Variants in CASK observed in about 807,000 individuals in gnomAD.
CASK encodes the protein peripheral plasma membrane protein CASK.
CASK carries 4 observed loss-of-function variants against 82.9 expected under a neutral mutation model. The ratio of observed to expected loss-of-function variants is 0.05; its 90% confidence interval spans 0.02 to 0.11. The LOEUF (loss-of-function observed/expected upper bound fraction) is 0.11. Ranked by LOEUF, CASK falls within the 10% of genes least tolerant of loss-of-function variation. CASK has a pLI of 1.00. For synonymous variants in CASK, 259 were observed against 253.5 expected (o/e 1.02, Z -0.20); for missense variants, 358 against 720.9 (o/e 0.50, Z 5.76).
chrX:41,626,512 TA>T, intron 10 of CASK, 91 bp downstream of exon 10: 1 of 588,148 alleles, frequency 1.7e-6, no homozygotes, highest in Non-Finnish European at 2.9e-6. Context: ...AGGATTTAAC[TA>T]AATGCACAGG....
intron 19 of CASK, 68 bp from the exon 20 acceptor site, chrX:41,555,703 TG>T: frequency 1.2e-6 from 1 of 809,122 alleles, no homozygotes. Context: ...GTAATTTGTG[TG>T]TTCTGTTACA....
chrX:41,919,497 A>C (rs1336280374), intron 1 of CASK: 1 of 112,537 alleles, frequency 8.9e-6, no homozygotes, highest in African/African-American at 3.2e-5. Flanking sequence ...AATTGTCTTA[A>C]ATTTCCTTCA....
chrX:41,707,281 T>C (rs1007989428), intron 5 of CASK, among the ~76,000 whole-genome samples: 24 of 111,941 alleles, frequency 2.1e-4, no homozygotes, highest in Admixed American at 6.6e-4. Context: ...GACCATCACA[T>C]TGTAAAGAAG....
chrX:41,891,804 G>A (rs2072175198), intron 1 of CASK, among the ~76,000 whole-genome samples: 1 of 112,193 alleles, frequency 8.9e-6, no homozygotes, highest in African/African-American at 3.2e-5. Context: ...AGGCAACTAA[G>A]AGCAAAATGG....
intron 8 of CASK, among the ~76,000 whole-genome samples, chrX:41,648,189 C>T (rs1048180035): frequency 4.5e-5 from 5 of 111,159 alleles, no homozygotes; most frequent in Admixed American, 9.6e-5. Context: ...CGAGGCGTAC[C>T]TGTCTCTTAT....
intron 3 of CASK, among the ~76,000 whole-genome samples, chrX:41,770,295 T>TCTAC (rs199881249): frequency 1.4e-3 from 132 of 93,128 alleles, no homozygotes; most frequent in East Asian, 6.6e-3. Context: ...TATCTATCTA[T>TCTAC]CTACCTACCT....
At chrX:41,569,875 T>C (rs1053068955) in intron 15 of CASK, 129 bp from the exon 16 acceptor site, 1 of 474,507 alleles carries the variant, frequency 2.1e-6, no homozygotes, top group Non-Finnish European at 3.6e-6. Context: ...ATATGGAAAA[T>C]GGAGAAGACC....
intron 2 of CASK, among the ~76,000 whole-genome samples, chrX:41,829,698 TA>T (rs2070748206): frequency 1.2e-3 from 1 of 854 alleles, no homozygotes; most frequent in African/African-American, 0.012. Context: ...GGTCACAAGA[TA>T]TATATATATA....
At chrX:41,647,699 GT>G (rs985088661) in intron 8 of CASK, among the ~76,000 whole-genome samples, 1 of 112,044 alleles carries the variant, frequency 8.9e-6, no homozygotes, top group African/African-American at 3.2e-5. Flanking sequence ...ATTGTGAAGA[GT>G]TTATAGACAT....
rs781293099 is a variant in CASK at position 41,559,924 on chromosome X, C to G, written c.1669-77G>C. 7.0e-6 allele frequency: 6 copies of G among 858,190 alleles called. No individual in the cohort carries two copies. In the Admixed American group the frequency reaches 1.0e-4, roughly 14 times the overall value. 70.7% of individuals were successfully genotyped at this position (858,190 alleles called of 1,213,427 possible). A position where few individuals can be genotyped will look rare whatever the true frequency, so the allele number is the denominator to read the frequency against. ...TCACAAAACCATGTAAGAAGCCACT[C>G]AAAACACATGGGGGCAATTAGCACA... On this transcript the variant is annotated intron_variant, in intron 17 of 26. Coordinates refer to ENST00000378163, the MANE Select transcript of CASK (RefSeq NM_001367721.1).
At chrX:41,727,820 A>T in intron 5 of CASK, 1 of 1,193,053 alleles carries the variant, frequency 8.4e-7, no homozygotes, top group Non-Finnish European at 1.1e-6. Flanking sequence ...TTCCTTCCTT[A>T]TAGTATTTTT....
At chrX:41,578,670 G>T (rs1351895615) in intron 14 of CASK, 142 bp from the exon 15 acceptor site, 1 of 456,229 alleles carries the variant, frequency 2.2e-6, no homozygotes, top group South Asian at 3.8e-5. Flanking sequence ...CTCACTGCAG[G>T]CTTCATCTCC....
chrX:41,874,219 C>T (rs149479739), intron 1 of CASK, among the ~76,000 whole-genome samples: 85 of 111,558 alleles, frequency 7.6e-4, no homozygotes, highest in East Asian at 2.8e-4. Flanking sequence ...ATGTGTAGGA[C>T]GTGCAGGTTA....
intron 17 of CASK, among the ~76,000 whole-genome samples, chrX:41,561,136 G>C (rs1435415998): frequency 9.0e-6 from 1 of 111,207 alleles, no homozygotes; most frequent in Non-Finnish European, 1.9e-5. Flanking sequence ...GTCTACCGTG[G>C]CTTTCCTCCC....
chrX:41,822,955 G>A (rs1451153396), intron 2 of CASK, among the ~76,000 whole-genome samples: 1 of 104,351 alleles, frequency 9.6e-6, no homozygotes, highest in Non-Finnish European at 1.9e-5. Flanking sequence ...CTCAATTGTA[G>A]GCTACTTAGT....
intron 1 of CASK, among the ~76,000 whole-genome samples, chrX:41,869,812 CAAAAAAAAAAAA>C (rs72190097): frequency 8.3e-5 from 1 of 12,116 alleles, no homozygotes; most frequent in East Asian, 4.5e-3. Context: ...GACTCTGTCT[CAAAAAAAAAAAA>C]AAAAAAAAAA....
intron 14 of CASK, among the ~76,000 whole-genome samples, chrX:41,581,374 C>T (rs1313167254): frequency 1.8e-5 from 2 of 108,729 alleles, no homozygotes; most frequent in African/African-American, 3.4e-5. Context: ...AGCAAGACCC[C>T]GTCTCTTAAA....
chrX:41,569,567 G>C, intron 16 of CASK, 101 bp downstream of exon 16: 1 of 603,263 alleles, frequency 1.7e-6, no homozygotes, highest in South Asian at 2.5e-5. Flanking sequence ...CATAGTGAGA[G>C]ACCCCATCTC....
chrX:41,761,195 G>A (rs765341924), intron 3 of CASK, among the ~76,000 whole-genome samples: 4 of 111,809 alleles, frequency 3.6e-5, no homozygotes, highest in South Asian at 7.5e-4. Context: ...CCTTTCAAAC[G>A]ATGTAGATAT....
Sources: allele counts gnomAD v4.1 joint callset (sites outside exome capture counted in the v4.1 genomes callset), GRCh38; gene constraint gnomAD v4.1.1; transcripts MANE v1.5; gene names NCBI Gene and HGNC (gene_info 2026-07-23, HGNC 2026-07-21).